The following STAT3 variants were observed in gnomAD, a reference collection of about 807,000 sequenced individuals.
STAT3 encodes DNA-binding protein APRF.
A neutral mutation model predicts 114.3 loss-of-function variants in STAT3; 7 were observed. The ratio of observed to expected loss-of-function variants is 0.06; its 90% CI spans 0.03 to 0.11. The LOEUF (loss-of-function observed/expected upper bound fraction) is 0.11, where lower values mean the gene tolerates loss of function less well. Ranked by LOEUF, STAT3 falls within the 10% of genes least tolerant of loss-of-function variation. The pLI is 1.00. For missense variants in STAT3, 364 were observed against 960.9 expected (o/e 0.38, Z 8.21); for synonymous variants, 331 against 354.5 (o/e 0.93, Z 0.74).
Position 42,338,725 on chromosome 17 carries a change from A to G in STAT3, c.550+6T>C. On this transcript the variant is annotated splice_donor_region_variant and intron_variant, in intron 6 of 23. Transcript: ENST00000264657. ...AGAGATTTTAACATCTCTAATATTC[A>G]CTTGCCTCCTTGACTCTTGAGGGTT... The G allele has an allele frequency of 6.2e-7, 1 of 1,609,466 alleles. No individual in the cohort carries two copies. The highest frequency in any genetic ancestry group is 8.5e-7 in the Non-Finnish European group (1 of 1,175,868).
intron 1 of STAT3, among the ~76,000 whole-genome samples, chr17:42,366,527 C>A (rs1472120327): frequency 6.6e-6 from 1 of 151,942 alleles, no homozygotes; most frequent in Non-Finnish European, 1.5e-5. Flanking sequence ...AAAAATTAGC[C>A]GGATATAGTG....
chr17:42,317,828 A>C (rs2081310062), intron 21 of STAT3, among the ~76,000 whole-genome samples: 1 of 152,230 alleles, frequency 6.6e-6, no homozygotes. Flanking sequence ...ATCAAAAAGC[A>C]CCAAAGAGAA....
Position 42,323,008 on chromosome 17 carries a change from G to A in STAT3, c.1884C>T (p.Ile628=), listed in dbSNP as rs2144690656. 6.2e-7 allele frequency: 1 copy of A among 1,613,838 alleles called. No individual in the cohort carries two copies. Among genetic ancestry groups the A allele is most frequent in the South Asian group, 1.1e-5 (1 of 91,062 alleles). ...GTGGGTGGGAGCCTCCCTTACCGCTGATGTCCTTCTCCACCCAAGTGAAAG... is the reference window on the plus strand; with the variant it reads ...GTGGGTGGGAGCCTCCCTTACCGCTAATGTCCTTCTCCACCCAAGTGAAAG... The part of the protein sequence containing the change: ...GVTFTWVEKD[I]SGKTQIQSVE... The change falls in exon 20 of 24, where the codon ATC becomes ATT. Residue 628 remains isoleucine, a synonymous_variant. Coordinates refer to ENST00000264657, the MANE Select transcript of STAT3 (RefSeq NM_139276.3).
intron 1 of STAT3, among the ~76,000 whole-genome samples, chr17:42,356,839 G>C (rs1280178736): frequency 6.6e-6 from 1 of 152,114 alleles, no homozygotes; most frequent in Non-Finnish European, 1.5e-5. Flanking sequence ...CCAGGCTAGA[G>C]TGCAGTGGCA....
At position 42,333,837 on chromosome 17, in the gene STAT3, G is replaced by A. The variant is rs906572940; in HGVS notation, c.956+54C>T. On this transcript the variant is annotated intron_variant, in intron 9 of 23. Coordinates refer to ENST00000264657, the MANE Select transcript of STAT3 (RefSeq NM_139276.3). The surrounding 1 kb of genome is among the most constrained non-coding windows in gnomAD (Gnocchi z 5.2). ...GTCAGCCCGCCTCTCACTCTACCAC[G>A]TGAGTCTTTAGGTATTTTTTAGATG... 2 of 1,614,050 alleles carry A rather than the reference G, an allele frequency of 1.2e-6. No individual in the cohort carries two copies. The highest frequency in any genetic ancestry group is 1.7e-6 in the Non-Finnish European group (2 of 1,179,938).
At chr17:42,356,626 A>G (rs1352165622) in intron 1 of STAT3, among the ~76,000 whole-genome samples, 4 of 151,710 alleles carry the variant, frequency 2.6e-5, no homozygotes, top group Non-Finnish European at 5.9e-5. Context: ...TTTTCTATGA[A>G]AAGAGTATTG....
chr17:42,357,858 C>T (rs1165290893), intron 1 of STAT3, among the ~76,000 whole-genome samples: 3 of 151,868 alleles, frequency 2.0e-5, no homozygotes, highest in African/African-American at 7.3e-5. Flanking sequence ...CAAATAGTAC[C>T]TTTGTAAGAT....
At chr17:42,343,403 T>C (rs1168326550) in intron 4 of STAT3, among the ~76,000 whole-genome samples, 2 of 151,156 alleles carry the variant, frequency 1.3e-5, no homozygotes, top group African/African-American at 2.4e-5. Flanking sequence ...TACATACCAA[T>C]AGTATATGCA....
At chr17:42,320,856 A>C (rs1054785157) in intron 21 of STAT3, among the ~76,000 whole-genome samples, 10 of 152,076 alleles carry the variant, frequency 6.6e-5, no homozygotes, top group Non-Finnish European at 1.0e-4. Flanking sequence ...CAAAACAGCA[A>C]GTGCTGAAGG....
At chr17:42,360,927 C>T (rs1442043049) in intron 1 of STAT3, among the ~76,000 whole-genome samples, 2 of 152,108 alleles carry the variant, frequency 1.3e-5, no homozygotes, top group African/African-American at 4.8e-5. Context: ...ATGCAGGCAA[C>T]AGGAGTGAGG....
At chr17:42,342,475 TC>T (rs2082486102) in intron 4 of STAT3, among the ~76,000 whole-genome samples, 1 of 142,710 alleles carries the variant, frequency 7.0e-6, no homozygotes. Context: ...AGAGTGAGAC[TC>T]TGTCTCAAAA....
Position 42,337,723 on chromosome 17 carries a change from G to A in STAT3, c.645+40C>T. ...CAAGACGCTGAAATCCCGCAAGTGA[G>A]CGAGACACATGGGGGAAGTGGTCCG... is the stretch of plus-strand genomic sequence containing the variant. On this transcript the variant is annotated intron_variant, in intron 7 of 23. Transcript: ENST00000264657. This position sits in a 1 kb window ranked among gnomAD's most constrained non-coding sequence, Gnocchi z 4.0. 1.9e-6 allele frequency: 3 copies of A among 1,612,806 alleles called. No individual in the cohort carries two copies. Among genetic ancestry groups the A allele is most frequent in the Middle Eastern group, 1.7e-4 (1 of 6,022 alleles).
At chr17:42,383,366 CT>C (rs11408950) in intron 1 of STAT3, among the ~76,000 whole-genome samples, 319 of 143,732 alleles carry the variant, frequency 2.2e-3, no homozygotes, top group Admixed American at 2.9e-3. Flanking sequence ...CTGTTTTTGC[CT>C]TTTTTTTTTT....
At chr17:42,376,845 CAA>C (rs59915321) in intron 1 of STAT3, among the ~76,000 whole-genome samples, 11 of 148,578 alleles carry the variant, frequency 7.4e-5, no homozygotes, top group East Asian at 2.0e-4. Flanking sequence ...GGCTCTGTCT[CAA>C]AAAAAAAAAA....
intron 1 of STAT3, among the ~76,000 whole-genome samples, chr17:42,386,272 C>G (rs1422323500): frequency 7.2e-6 from 1 of 138,128 alleles, no homozygotes; most frequent in Non-Finnish European, 1.5e-5. Context: ...CAGAGCAAGA[C>G]TCTGACTCAA....
intron 8 of STAT3, among the ~76,000 whole-genome samples, chr17:42,335,350 C>T (rs2082188298): frequency 6.6e-6 from 1 of 152,036 alleles, no homozygotes; most frequent in African/African-American, 2.4e-5. Context: ...TGTAATGGCA[C>T]ATGTCTAGTT....
Position 42,337,698 on chromosome 17 carries a change from CAA to C in STAT3, c.645+63_645+64del. On this transcript the variant is annotated intron_variant, in intron 7 of 23. Coordinates refer to ENST00000264657, the MANE Select transcript of STAT3 (RefSeq NM_139276.3). The surrounding 1 kb of genome is among the most constrained non-coding windows in gnomAD (Gnocchi z 4.0). Reference sequence around the variant, plus strand: ...CTTAGAAACCAAGCAAGTTCTGCCACAAGACGCTGAAATCCCGCAAGTGAGCG... The same window carrying C: ...CTTAGAAACCAAGCAAGTTCTGCCACGACGCTGAAATCCCGCAAGTGAGCG... 6.2e-7 allele frequency: 1 copy of C among 1,613,646 alleles called. No homozygotes were observed. Among genetic ancestry groups the C allele is most frequent in the Non-Finnish European group, 8.5e-7 (1 of 1,179,610 alleles).
At chr17:42,323,790 CA>C in intron 17 of STAT3, among the ~76,000 whole-genome samples, 165 bp from the exon 18 acceptor site, 1 of 152,306 alleles carries the variant, frequency 6.6e-6, no homozygotes, top group Middle Eastern at 3.4e-3. Flanking sequence ...TGAGGACAAA[CA>C]CTATCCCATC....
chr17:42,372,306 C>T (rs2084193438), intron 1 of STAT3, among the ~76,000 whole-genome samples: 1 of 152,146 alleles, frequency 6.6e-6, no homozygotes, highest in Non-Finnish European at 1.5e-5. Context: ...ACCAAGATGT[C>T]TATCCTTCAG....
Sources: gnomAD v4.1 joint callset for allele counts (sites outside exome capture counted in the v4.1 genomes callset) on GRCh38, gnomAD v4.1.1 for gene constraint, Gnocchi (gnomAD v3.1) non-coding constraint, MANE v1.5 for transcripts, NCBI Gene and HGNC (gene_info 2026-07-23, HGNC 2026-07-21) for gene names.